The following SLC7A9 variants were observed in gnomAD, a reference collection of about 807,000 sequenced individuals.
SLC7A9 encodes the protein solute carrier family 7 member 9, also known as B(0,+)-type amino acid transporter 1.
A neutral mutation model predicts 54.1 loss-of-function variants in SLC7A9; 38 were observed. That is an observed-to-expected ratio of 0.70 (90% CI 0.54 to 0.92). The LOEUF (loss-of-function observed/expected upper bound fraction) is 0.92, where lower values mean the gene tolerates loss of function less well. Among genes scored for constraint, SLC7A9 ranks in the 40% least tolerant of loss-of-function variants. The pLI is 0.00. For missense variants in SLC7A9, 537 were observed against 636.1 expected (o/e 0.84, Z 1.68); for synonymous variants, 264 against 258.9 (o/e 1.02, Z -0.19).
intron 4 of SLC7A9, among the ~76,000 whole-genome samples, chr19:32,863,430 T>C (rs954241605): frequency 1.3e-5 from 2 of 152,106 alleles, no homozygotes; most frequent in Non-Finnish European, 2.9e-5. Context: ...CCTAGCCTCT[T>C]TTATTTTTTG....
At chr19:32,850,273 C>G (rs1489463576) in intron 9 of SLC7A9, among the ~76,000 whole-genome samples, 1 of 147,046 alleles carries the variant, frequency 6.8e-6, no homozygotes, top group Non-Finnish European at 1.5e-5. Context: ...GATTGTATAT[C>G]TAGATAACCC....
chr19:32,844,474 C>T (rs1355522598), intron 9 of SLC7A9, among the ~76,000 whole-genome samples: 1 of 151,986 alleles, frequency 6.6e-6, no homozygotes, highest in Non-Finnish European at 1.5e-5. Context: ...TCTCCCTTTC[C>T]CCCCATGCTT....
chr19:32,843,765 T>A (rs953522037), intron 10 of SLC7A9, 90 bp downstream of exon 10: 2 of 877,064 alleles, frequency 2.3e-6, no homozygotes, highest in Non-Finnish European at 1.9e-6. Flanking sequence ...AATAAGGGCA[T>A]CTGGGTCATT....
intron 10 of SLC7A9, among the ~76,000 whole-genome samples, chr19:32,843,401 G>A (rs1968184306): frequency 6.6e-6 from 1 of 152,096 alleles, no homozygotes; most frequent in South Asian, 2.1e-4. Context: ...AGGATGCAGT[G>A]AGCCAAGATC....
At chr19:32,860,483 AAAG>A in intron 7 of SLC7A9, 120 bp downstream of exon 7, 2 of 1,535,152 alleles carry the variant, frequency 1.3e-6, no homozygotes, top group Non-Finnish European at 1.7e-6. Flanking sequence ...AAAAAAAAAA[AAAG>A]AAATAATTCA....
At position 32,833,887 on chromosome 19, in the gene SLC7A9, A is replaced by AT. The variant is rs536877278; in HGVS notation, c.1225-565dup. Among the ~76,000 whole-genome samples the AT allele has an allele frequency of 2.6e-3, 390 of 152,278 alleles. 2 individuals are homozygous for AT. Among genetic ancestry groups the AT allele is most frequent in the African/African-American group, 8.9e-3 (372 of 41,566 alleles). ...TCATTGTTTCATCAGGGTTTGCAAAATGGTGATTTTTCTAATTTGTAATTT... is the reference window on the plus strand; with the variant it reads ...TCATTGTTTCATCAGGGTTTGCAAAATTGGTGATTTTTCTAATTTGTAATTT... On this transcript the variant is annotated intron_variant, in intron 11 of 12. Transcript: ENST00000023064.
rs541925058 is a variant in SLC7A9, at chr19:32,835,609, T to C, written c.1225-2286A>G. On this transcript the variant is annotated intron_variant, in intron 11 of 12. Coordinates refer to ENST00000023064, the MANE Select transcript of SLC7A9 (RefSeq NM_014270.5). ...GTATTGCTTAATTTATTCCAGAGCA[T>C]TGAAAAAGGAGGAAAACTTTCAAAA... Among the ~76,000 whole-genome samples the C allele has an allele frequency of 4.6e-5, 7 of 152,324 alleles. 1 individual carries two copies. Among genetic ancestry groups the C allele is most frequent in the African/African-American group, 1.7e-4 (7 of 41,590 alleles).
intron 9 of SLC7A9, among the ~76,000 whole-genome samples, chr19:32,847,167 T>C (rs11667586): frequency 0.11 from 17,268 of 152,148 alleles, 1,103 homozygotes; most frequent in Middle Eastern, 0.16. Context: ...TCACCAGCAA[T>C]GGAACAAAGC....
chr19:32,836,039 G>A (rs1016089648), intron 11 of SLC7A9, among the ~76,000 whole-genome samples: 16 of 151,814 alleles, frequency 1.1e-4, no homozygotes, highest in African/African-American at 2.2e-4. Context: ...TCAGCCTCCC[G>A]AGTAGCTGGA....
chr19:32,864,033 G>A, intron 4 of SLC7A9, 63 bp downstream of exon 4: 4 of 1,610,022 alleles, frequency 2.5e-6, no homozygotes, highest in Non-Finnish European at 3.4e-6. Context: ...GCTGAGGGCG[G>A]AGTCCCCAGA....
intron 11 of SLC7A9, among the ~76,000 whole-genome samples, chr19:32,838,683 A>T (rs1043927797): frequency 7.2e-6 from 1 of 138,858 alleles, no homozygotes; most frequent in Admixed American, 7.5e-5. Flanking sequence ...CCTTTTAAAG[A>T]TATTATATAT....
At chr19:32,855,286 C>CA (rs1467346561) in intron 9 of SLC7A9, among the ~76,000 whole-genome samples, 3 of 152,086 alleles carry the variant, frequency 2.0e-5, no homozygotes, top group East Asian at 3.8e-4. Flanking sequence ...AAGGGAAAGC[C>CA]AAAAGAGATA....
At chr19:32,835,893 GTGTGTGTGTGTGTGTGTA>G (rs1193010001) in intron 11 of SLC7A9, among the ~76,000 whole-genome samples, 7 of 121,214 alleles carry the variant, frequency 5.8e-5, no homozygotes, top group East Asian at 2.9e-4. Flanking sequence ...TATGTACTGT[GTGTGTGTGTGTGTGTGTA>G]TGTGTGTGTG....
chr19:32,849,275 G>A (rs1277800377), intron 9 of SLC7A9, among the ~76,000 whole-genome samples: 1 of 152,074 alleles, frequency 6.6e-6, no homozygotes, highest in Non-Finnish European at 1.5e-5. Context: ...CAACAAAATT[G>A]ATAGACTGCT....
intron 11 of SLC7A9, among the ~76,000 whole-genome samples, chr19:32,838,505 CATAAT>C (rs1706427154): frequency 6.8e-6 from 1 of 146,698 alleles, no homozygotes. Context: ...ATATAATAGG[CATAAT>C]ATACATATAT....
chr19:32,837,665 T>A (rs1968002511), intron 11 of SLC7A9, among the ~76,000 whole-genome samples: 1 of 152,170 alleles, frequency 6.6e-6, no homozygotes, highest in Non-Finnish European at 1.5e-5. Flanking sequence ...TGACTGCCTT[T>A]AATGCAATAA....
intron 11 of SLC7A9, among the ~76,000 whole-genome samples, chr19:32,839,477 C>A (rs547648818): frequency 6.7e-6 from 1 of 149,960 alleles, no homozygotes; most frequent in East Asian, 2.0e-4. Context: ...TGCTTGAACC[C>A]AGGAGGCGGA....
Position 32,830,575 on chromosome 19 carries a change from T to C in SLC7A9, c.*45A>G. On this transcript the variant is annotated 3_prime_UTR_variant, in exon 13 of 13. Transcript: ENST00000023064. ...GGAAGAAATAACCACAAATATTGCT[T>C]AAGAAAATAAATTCAGCTGACTTGG... 7.0e-7 allele frequency: 1 copy of C among 1,436,852 alleles called. No homozygotes were observed. Among genetic ancestry groups the C allele is most frequent in the Non-Finnish European group, 9.8e-7 (1 of 1,018,762 alleles). The allele number at this position is 1,436,852 out of a possible 1,614,324, so 89.0% of individuals were successfully genotyped here. A position where few individuals can be genotyped will look rare whatever the true frequency, so the allele number is the denominator to read the frequency against.
At chr19:32,847,066 T>C (rs934278923) in intron 9 of SLC7A9, among the ~76,000 whole-genome samples, 4 of 152,114 alleles carry the variant, frequency 2.6e-5, no homozygotes, top group Non-Finnish European at 5.9e-5. Flanking sequence ...CAAAAGTAGA[T>C]AAACCACAAA....
Sources: gnomAD v4.1 joint callset for allele counts (sites outside exome capture counted in the v4.1 genomes callset) on GRCh38, gnomAD v4.1.1 for gene constraint, MANE v1.5 for transcripts, NCBI Gene and HGNC (gene_info 2026-07-23, HGNC 2026-07-21) for gene names.